Variants in HLCS observed in about 807,000 individuals in gnomAD.
The protein encoded by HLCS is biotin--protein ligase.
In HLCS, 53 loss-of-function variants were observed where a neutral mutation model predicts 75.0. That is an observed-to-expected ratio of 0.71 (90% CI 0.57 to 0.89). The LOEUF is 0.89. Ranked by LOEUF, HLCS falls within the 40% of genes least tolerant of loss-of-function variation. The pLI is 0.00. For synonymous variants in HLCS, 431 were observed against 428.6 expected (o/e 1.01, Z -0.07); for missense variants, 966 against 1,074.0 (o/e 0.90, Z 1.41).
At chr21:36,932,018 C>T (rs769656201) in intron 4 of HLCS, among the ~76,000 whole-genome samples, 13 of 152,216 alleles carry the variant, frequency 8.5e-5, no homozygotes, top group Admixed American at 5.2e-4. Flanking sequence ...AGTGTGAGTA[C>T]GGGTGTGAGT....
intron 9 of HLCS, chr21:36,756,990 A>T: frequency 1.0e-6 from 1 of 978,380 alleles, no homozygotes; most frequent in Non-Finnish European, 1.2e-6. Flanking sequence ...ACTGCAAATA[A>T]AAAGGTGGGA....
At chr21:36,959,353 C>A (rs904408964) in intron 2 of HLCS, among the ~76,000 whole-genome samples, 4 of 152,204 alleles carry the variant, frequency 2.6e-5, no homozygotes, top group African/African-American at 9.7e-5. Context: ...CTCTGGACCA[C>A]GAGGATGGGA....
chr21:36,763,225 A>G (rs1209680876), intron 8 of HLCS, among the ~76,000 whole-genome samples: 3 of 152,134 alleles, frequency 2.0e-5, no homozygotes, highest in Non-Finnish European at 4.4e-5. Flanking sequence ...GGGTTTCACC[A>G]TGTTGGCCAG....
At chr21:36,944,107 C>A (rs1376117236) in intron 2 of HLCS, 1 of 152,158 alleles carries the variant, frequency 6.6e-6, no homozygotes, top group African/African-American at 2.4e-5. Context: ...TTTGGTTCCT[C>A]ATCTCTACAA....
At chr21:36,836,166 G>A (rs760914497) in intron 6 of HLCS, among the ~76,000 whole-genome samples, 2 of 151,344 alleles carry the variant, frequency 1.3e-5, no homozygotes, top group Non-Finnish European at 2.9e-5. Context: ...TCTGGAACAC[G>A]GCCCCACTTA....
chr21:36,805,504 C>T (rs1327053062), intron 6 of HLCS, among the ~76,000 whole-genome samples: 1 of 152,186 alleles, frequency 6.6e-6, no homozygotes, highest in Non-Finnish European at 1.5e-5. Flanking sequence ...AATTAAGGGC[C>T]CCTCTTGTCT....
intron 6 of HLCS, among the ~76,000 whole-genome samples, chr21:36,801,817 G>T: frequency 6.7e-6 from 1 of 149,984 alleles, no homozygotes. Flanking sequence ...TTCTTTTATA[G>T]AGACAGTTAT....
chr21:36,975,385 C>T (rs76383615), intron 1 of HLCS, among the ~76,000 whole-genome samples: 5,468 of 152,114 alleles, frequency 0.036, 207 homozygotes, highest in African/African-American at 0.093. Flanking sequence ...GGCACTAGCA[C>T]GACAGCCTGC....
chr21:36,886,541 G>C (rs750295022), intron 6 of HLCS, among the ~76,000 whole-genome samples: 3 of 151,578 alleles, frequency 2.0e-5, no homozygotes, highest in African/African-American at 7.3e-5. Context: ...GGCCATGTTC[G>C]CTCCACTCCA....
At chr21:36,862,247 T>C (rs1279681593) in intron 6 of HLCS, among the ~76,000 whole-genome samples, 2 of 152,242 alleles carry the variant, frequency 1.3e-5, no homozygotes, top group East Asian at 1.9e-4. Flanking sequence ...CGTGATGCCA[T>C]GAATATCCAC....
intron 6 of HLCS, among the ~76,000 whole-genome samples, chr21:36,836,642 A>T (rs1197027271): frequency 6.6e-6 from 1 of 151,902 alleles, no homozygotes; most frequent in African/African-American, 2.4e-5. Context: ...TCCAGAATCT[A>T]CAATGAACTC....
chr21:36,912,110 T>C (rs1384176352), intron 5 of HLCS, among the ~76,000 whole-genome samples: 1 of 151,138 alleles, frequency 6.6e-6, no homozygotes, highest in Non-Finnish European at 1.5e-5. Flanking sequence ...AATTAATACA[T>C]GATCCAGCAA....
intron 1 of HLCS, among the ~76,000 whole-genome samples, chr21:36,988,065 A>C (rs924396871): frequency 3.3e-5 from 5 of 152,004 alleles, no homozygotes; most frequent in African/African-American, 7.3e-5. Context: ...TCTTATGTTG[A>C]TTTAGTTTTT....
chr21:36,938,151 A>C (rs182386772), intron 3 of HLCS, among the ~76,000 whole-genome samples: 1 of 152,320 alleles, frequency 6.6e-6, no homozygotes, highest in East Asian at 1.9e-4. Flanking sequence ...TTTAAGTAAA[A>C]AGCGGTTTGA....
At chr21:36,976,758 A>C (rs1197479640) in intron 1 of HLCS, among the ~76,000 whole-genome samples, 2 of 152,176 alleles carry the variant, frequency 1.3e-5, no homozygotes, top group Non-Finnish European at 2.9e-5. Context: ...AAAAATTAGA[A>C]GGTGACATTC....
At chr21:36,870,930 C>A (rs576432014) in intron 6 of HLCS, among the ~76,000 whole-genome samples, 10 of 152,310 alleles carry the variant, frequency 6.6e-5, no homozygotes, top group Non-Finnish European at 8.8e-5. Context: ...TCAACTGGAG[C>A]CTTAGAGAGG....
At chr21:36,790,132 G>A (rs1163016841) in intron 6 of HLCS, among the ~76,000 whole-genome samples, 2 of 152,156 alleles carry the variant, frequency 1.3e-5, no homozygotes. Flanking sequence ...TGGGCCTGGC[G>A]CAGTGGCTCA....
chr21:36,975,481 C>T (rs532505716), intron 1 of HLCS, among the ~76,000 whole-genome samples: 1 of 152,310 alleles, frequency 6.6e-6, no homozygotes, highest in South Asian at 2.1e-4. Flanking sequence ...AAGCACAGCG[C>T]TCATCCCATC....
intron 5 of HLCS, among the ~76,000 whole-genome samples, chr21:36,920,111 T>C (rs1168180353): frequency 2.0e-5 from 3 of 152,062 alleles, no homozygotes; most frequent in Non-Finnish European, 2.9e-5. Flanking sequence ...GGCGGAAGAA[T>C]TGTCTGAGCC....
Sources: gnomAD v4.1 joint callset for allele counts (sites outside exome capture counted in the v4.1 genomes callset) on GRCh38, gnomAD v4.1.1 for gene constraint, MANE v1.5 for transcripts, NCBI Gene and HGNC (gene_info 2026-07-23, HGNC 2026-07-21) for gene names.